SORL1: variants seen among roughly 807,000 people sequenced by gnomAD.
SORL1 encodes sortilin related receptor 1, also known as sortilin-related receptor.
Under a neutral mutation model 273.7 loss-of-function variants are expected in SORL1, and 127 were observed. The observed-to-expected ratio is 0.46, with a 90% CI of 0.40 to 0.54. The LOEUF (loss-of-function observed/expected upper bound fraction) is 0.54. Ranked by LOEUF, SORL1 falls within the 20% of genes least tolerant of loss-of-function variation. The pLI, the probability that SORL1 is intolerant of heterozygous loss-of-function variation, is 0.00. For synonymous variants in SORL1, 1,031 were observed against 1,067.4 expected (o/e 0.97, Z 0.66); for missense variants, 2,494 against 2,846.1 (o/e 0.88, Z 2.81).
intron 5 of SORL1, 48 bp from the exon 6 acceptor site, chr11:121,496,821 G>C (rs774468006): frequency 1.4e-5 from 21 of 1,526,266 alleles, no homozygotes; most frequent in Non-Finnish European, 1.8e-5. Flanking sequence ...CATGCCTCTA[G>C]TAATTAAATG....
At chr11:121,534,335 T>C (rs951217441) in intron 12 of SORL1, among the ~76,000 whole-genome samples, 2 of 152,242 alleles carry the variant, frequency 1.3e-5, no homozygotes, top group African/African-American at 4.8e-5. Flanking sequence ...TCGGTGCATA[T>C]GTGCTCAGGG....
chr11:121,614,879 C>T lies in SORL1; in HGVS notation c.5428C>T (p.Leu1810=). 1 of 1,612,580 alleles carries T rather than the reference C, an allele frequency of 6.2e-7. No homozygotes were observed. Among genetic ancestry groups the T allele is most frequent in the East Asian group, 2.2e-5 (1 of 44,792 alleles). ...GSILSHKVGN[L]TAHTSYEISA... Reference sequence around the variant, plus strand: ...TTTTCCTGTTTTCACAGTTGGCAATCTGACAGCTCATACATCCTATGAGAT... The same window carrying T: ...TTTTCCTGTTTTCACAGTTGGCAATTTGACAGCTCATACATCCTATGAGAT... Residue 1810 remains leucine (L), a synonymous_variant, in exon 41 of 48, where the codon CTG becomes TTG. Coordinates refer to ENST00000260197, the MANE Select transcript of SORL1 (RefSeq NM_003105.6).
At chr11:121,485,615 T>C (rs544549476) in intron 3 of SORL1, among the ~76,000 whole-genome samples, 5 of 152,348 alleles carry the variant, frequency 3.3e-5, no homozygotes, top group Admixed American at 1.3e-4. Context: ...GGGTGCGTGA[T>C]TTTTGGATTC....
chr11:121,480,090 G>A (rs574065373), intron 3 of SORL1, among the ~76,000 whole-genome samples: 1 of 152,138 alleles, frequency 6.6e-6, no homozygotes, highest in Non-Finnish European at 1.5e-5. Context: ...TGCCTCTTCT[G>A]TGGATGGATC....
chr11:121,472,193 C>G (rs978749355), intron 2 of SORL1, among the ~76,000 whole-genome samples: 1 of 152,204 alleles, frequency 6.6e-6, no homozygotes, highest in African/African-American at 2.4e-5. Flanking sequence ...CCCTGTGAGA[C>G]TCTTCATAGA....
intron 32 of SORL1, among the ~76,000 whole-genome samples, chr11:121,601,703 AC>A (rs1863394440): frequency 2.6e-5 from 4 of 151,370 alleles, no homozygotes; most frequent in Admixed American, 2.0e-4. Flanking sequence ...GGTGCACACT[AC>A]CGCACCCAGC....
intron 8 of SORL1, among the ~76,000 whole-genome samples, chr11:121,515,173 C>T (rs1403479899): frequency 6.6e-6 from 1 of 152,200 alleles, no homozygotes; most frequent in East Asian, 1.9e-4. Context: ...AGACAGTGTT[C>T]TAGGTATAGC....
At chr11:121,478,943 T>C (rs1861326240) in intron 3 of SORL1, among the ~76,000 whole-genome samples, 1 of 151,096 alleles carries the variant, frequency 6.6e-6, no homozygotes, top group Non-Finnish European at 1.5e-5. Flanking sequence ...CACGTGCGTG[T>C]GTGGGTACCT....
intron 9 of SORL1, 121 bp downstream of exon 9, chr11:121,520,970 T>C (rs1375802379): frequency 9.8e-6 from 6 of 609,878 alleles, no homozygotes. Flanking sequence ...TCTATTAATA[T>C]CACATGGAGC....
chr11:121,577,474 C>T (rs3824966), intron 25 of SORL1, 74 bp downstream of exon 25: 32 of 1,393,010 alleles, frequency 2.3e-5, no homozygotes, highest in African/African-American at 1.0e-4. Flanking sequence ...TTTAAACGAT[C>T]GGAAAATCTA....
intron 1 of SORL1, among the ~76,000 whole-genome samples, chr11:121,453,325 T>C (rs1324402098): frequency 3.9e-5 from 6 of 152,182 alleles, no homozygotes; most frequent in Non-Finnish European, 7.4e-5. Flanking sequence ...CTATAAGTGA[T>C]TTATTTCTAC....
At chr11:121,605,352 C>G (rs1370490055) in intron 34 of SORL1, 50 bp from the exon 35 acceptor site, 2 of 1,582,982 alleles carry the variant, frequency 1.3e-6, no homozygotes, top group Admixed American at 1.7e-5. Flanking sequence ...GACATCTCAG[C>G]CCCCCATGCT....
At chr11:121,518,309 G>T (rs1861983927) in intron 8 of SORL1, among the ~76,000 whole-genome samples, 2 of 152,166 alleles carry the variant, frequency 1.3e-5, no homozygotes, top group Non-Finnish European at 1.5e-5. Flanking sequence ...ATGGAAGAAA[G>T]TAGACCCTCA....
intron 22 of SORL1, among the ~76,000 whole-genome samples, chr11:121,569,831 C>T (rs538008155): frequency 6.6e-6 from 1 of 152,294 alleles, no homozygotes; most frequent in Admixed American, 6.5e-5. Flanking sequence ...CACTCCCTCC[C>T]CTTTTGAAAT....
At chr11:121,514,451 C>G in intron 8 of SORL1, 130 bp downstream of exon 8, 1 of 869,446 alleles carries the variant, frequency 1.2e-6, no homozygotes, top group South Asian at 1.8e-5. Context: ...AACCCGATGC[C>G]TGGCTCACGT....
Position 121,586,162 on chromosome 11 carries a change from G to T in SORL1, c.3707-60G>T, listed in dbSNP as rs1863103093. On this transcript the variant is annotated intron_variant, in intron 26 of 47. Transcript: ENST00000260197. ...CAGTGTGTACTCCCGCCAGCACTGT[G>T]TGTGAGTGCCTGCCTGTTTCCTCCT... 15 of 1,366,088 alleles carry T rather than the reference G, an allele frequency of 1.1e-5. 1 individual carries two copies. The Admixed American group carries it at 2.5e-4, about 23-fold the overall frequency. 84.6% of individuals were successfully genotyped at this position (1,366,088 alleles called of 1,614,324 possible). A position where few individuals can be genotyped will look rare whatever the true frequency, so the allele number is the denominator to read the frequency against.
intron 24 of SORL1, 129 bp from the exon 25 acceptor site, chr11:121,577,152 C>T (rs1351742979): frequency 7.0e-6 from 9 of 1,282,816 alleles, no homozygotes; most frequent in East Asian, 2.4e-5. Context: ...AAAGTCTCTT[C>T]GTTCATGGTC....
chr11:121,618,281 G>T (rs955903483), intron 41 of SORL1, among the ~76,000 whole-genome samples: 5 of 152,198 alleles, frequency 3.3e-5, no homozygotes, highest in African/African-American at 1.2e-4. Context: ...ACAGCCAGCC[G>T]TGTCTGCTCT....
At chr11:121,617,337 A>ATATTTT (rs765064021) in intron 41 of SORL1, among the ~76,000 whole-genome samples, 5 of 152,188 alleles carry the variant, frequency 3.3e-5, no homozygotes, top group Non-Finnish European at 5.9e-5. Flanking sequence ...TTAGGGTAAA[A>ATATTTT]TATTTTGATT....
Sources: gnomAD v4.1 joint callset for allele counts (sites outside exome capture counted in the v4.1 genomes callset) on GRCh38, gnomAD v4.1.1 for gene constraint, MANE v1.5 for transcripts, NCBI Gene and HGNC (gene_info 2026-07-23, HGNC 2026-07-21) for gene names.